The following CHEK1 variants were observed in gnomAD, a reference collection of about 807,000 sequenced individuals.
CHEK1 encodes checkpoint kinase 1.
In CHEK1, 32 loss-of-function variants were observed where a neutral mutation model predicts 60.2. That is an observed-to-expected ratio of 0.53 (90% CI 0.40 to 0.71). The LOEUF (loss-of-function observed/expected upper bound fraction) is 0.71. Ranked by LOEUF, CHEK1 falls within the 30% of genes least tolerant of loss-of-function variation. The pLI is 0.00. For synonymous variants in CHEK1, 179 were observed against 187.2 expected (o/e 0.96, Z 0.36); for missense variants, 399 against 564.6 (o/e 0.71, Z 2.97).
chr11:125,645,180 AC>A (rs1941454567), intron 11 of CHEK1, among the ~76,000 whole-genome samples: 1 of 152,122 alleles, frequency 6.6e-6, no homozygotes, highest in Non-Finnish European at 1.5e-5. Context: ...TTCTTAAAAG[AC>A]CTTTTTATTG....
At chr11:125,678,428 A>C, downstream of CHEK1, 1 of 1,076,306 alleles carries the variant, frequency 9.3e-7, no homozygotes, top group South Asian at 1.6e-5. Context: ...GCACCTGAAG[A>C]CTGCAGATGT....
chr11:125,660,327 A>G (rs756449065), downstream of CHEK1, among the ~76,000 whole-genome samples: 41 of 152,298 alleles, frequency 2.7e-4, no homozygotes, highest in Admixed American at 8.5e-4. Context: ...TATACAGTGA[A>G]TTACTAGAGA....
intron 6 of CHEK1, among the ~76,000 whole-genome samples, 180 bp downstream of exon 6, chr11:125,633,531 T>A (rs1486695159): frequency 6.6e-6 from 1 of 152,126 alleles, no homozygotes; most frequent in Non-Finnish European, 1.5e-5. Context: ...CACTGCAGCC[T>A]CAAACTTCTA....
At chr11:125,675,818 C>G (rs1402437264) in intron 13 of CHEK1, 1 of 153,260 alleles carries the variant, frequency 6.5e-6, no homozygotes, top group Non-Finnish European at 1.5e-5. Context: ...CAGCTAGTCT[C>G]TCTGCCTTCT....
At position 125,669,165 on chromosome 11, in the gene CHEK1, AG is replaced by A; in HGVS notation, c.*28-6760del. The stretch of plus-strand genomic sequence containing the variant: ...AACTGTTCATTTCTCCCTGTAGGTC[AG>A]GGTTTCCACGTGGTATTGTTTCTCT... On this transcript the variant is annotated intron_variant, in intron 13 of 13. Coordinates refer to the CHEK1 transcript ENST00000428830. Among the ~76,000 whole-genome samples, 5 of 152,266 alleles carry A rather than the reference AG, an allele frequency of 3.3e-5. No homozygotes were observed. In the South Asian group the frequency reaches 1.0e-3, roughly 32 times the overall value.
intron 6 of CHEK1, among the ~76,000 whole-genome samples, chr11:125,634,468 G>A (rs946406393): frequency 4.0e-5 from 6 of 151,844 alleles, no homozygotes; most frequent in African/African-American, 1.4e-4. Context: ...GTCTACAGGC[G>A]TGCACCACCA....
At chr11:125,650,325 C>T (rs1941667269) in intron 11 of CHEK1, among the ~76,000 whole-genome samples, 1 of 151,958 alleles carries the variant, frequency 6.6e-6, no homozygotes, top group Non-Finnish European at 1.5e-5. Context: ...TGTTTCCTTA[C>T]ATGCTTTGTA....
At chr11:125,646,216 T>C (rs1351928803) in intron 11 of CHEK1, among the ~76,000 whole-genome samples, 1 of 152,186 alleles carries the variant, frequency 6.6e-6, no homozygotes, top group African/African-American at 2.4e-5. Context: ...GGACATTTTA[T>C]ATAAATGGAA....
chr11:125,673,212 CTTTTTTT>C (rs11434532), intron 13 of CHEK1, among the ~76,000 whole-genome samples: 7 of 126,840 alleles, frequency 5.5e-5, no homozygotes, highest in Admixed American at 5.2e-4. Context: ...CTTTTCTTTT[CTTTTTTT>C]TTTTTGAGAC....
intron 8 of CHEK1, among the ~76,000 whole-genome samples, chr11:125,642,208 C>A (rs1941335694): frequency 6.6e-6 from 1 of 152,108 alleles, no homozygotes; most frequent in Non-Finnish European, 1.5e-5. Context: ...CTTTCCTGGC[C>A]ATGCTATTTA....
At chr11:125,631,475 A>G (rs144997121) in intron 5 of CHEK1, among the ~76,000 whole-genome samples, 2 of 152,300 alleles carry the variant, frequency 1.3e-5, no homozygotes, top group African/African-American at 4.8e-5. Flanking sequence ...TCCAAGGAAT[A>G]CTATAGTTAT....
In CHEK1 at chr11:125,625,638, G is replaced by T; in HGVS notation, c.-395G>T. 1.7e-6 allele frequency: 1 copy of T among 595,666 alleles called. No homozygotes were observed. Among genetic ancestry groups the T allele is most frequent in the Admixed American group, 2.9e-5 (1 of 34,092 alleles). The allele number at this position is 595,666 out of a possible 1,614,324, so 36.9% of individuals were successfully genotyped here. A position where few individuals can be genotyped will look rare whatever the true frequency, so the allele number is the denominator to read the frequency against. ...GCAGCCCCGCCTGGAAGCGCAGCGC[G>T]GTCGGTCGCGCGCCCCTGAGGCTTG... On this transcript the variant is annotated 5_prime_UTR_variant, in exon 1 of 13. Coordinates refer to ENST00000438015, the MANE Select transcript of CHEK1 (RefSeq NM_001114122.3).
rs1388896449 is a variant in CHEK1, at chr11:125,656,027, T to C, written c.*707T>C. On this transcript the variant is annotated 3_prime_UTR_variant, in exon 13 of 13. Coordinates refer to ENST00000438015, the MANE Select transcript of CHEK1 (RefSeq NM_001114122.3). ...TCTATATTTTCTACTTTCATAGCCATATTTTAACCTTTTCAACTTACTGGT... is the reference window on the plus strand; with the variant it reads ...TCTATATTTTCTACTTTCATAGCCACATTTTAACCTTTTCAACTTACTGGT... 1 of 210,702 alleles carries C rather than the reference T, an allele frequency of 4.7e-6. No individual in the cohort carries two copies. The highest frequency in any genetic ancestry group is 9.6e-6 in the Non-Finnish European group (1 of 104,078). 13.1% of individuals were successfully genotyped at this position (210,702 alleles called of 1,614,324 possible). A position where few individuals can be genotyped will look rare whatever the true frequency, so the allele number is the denominator to read the frequency against.
downstream of CHEK1, chr11:125,677,676 C>T (rs1942575939): frequency 3.0e-6 from 4 of 1,318,704 alleles, no homozygotes; most frequent in Non-Finnish European, 4.2e-6. Context: ...TTTGAGAGAG[C>T]TGTTTGTGAA....
intron 8 of CHEK1, among the ~76,000 whole-genome samples, chr11:125,641,981 T>A (rs1299676579): frequency 6.6e-6 from 1 of 152,224 alleles, no homozygotes; most frequent in Non-Finnish European, 1.5e-5. Context: ...TTTTGTTCCT[T>A]ACATTACCTC....
At chr11:125,631,046 C>G (rs1481260205) in intron 5 of CHEK1, among the ~76,000 whole-genome samples, 1 of 151,862 alleles carries the variant, frequency 6.6e-6, no homozygotes, top group Non-Finnish European at 1.5e-5. Context: ...TATGTAAAAC[C>G]TAGTATATTG....
At chr11:125,643,990 T>C in intron 9 of CHEK1, 90 bp downstream of exon 9, 1 of 1,527,020 alleles carries the variant, frequency 6.5e-7, no homozygotes, top group East Asian at 2.3e-5. Flanking sequence ...TAATCGACAT[T>C]AACATAATAC....
At chr11:125,627,324 T>A (rs966342382) in intron 2 of CHEK1, among the ~76,000 whole-genome samples, 2 of 152,218 alleles carry the variant, frequency 1.3e-5, no homozygotes, top group Non-Finnish European at 2.9e-5. Flanking sequence ...GAGTAGAACA[T>A]GTATATATGT....
intron 13 of CHEK1, among the ~76,000 whole-genome samples, chr11:125,673,198 C>CTTTCT (rs140314927): frequency 7.5e-6 from 1 of 133,268 alleles, no homozygotes; most frequent in African/African-American, 2.7e-5. Context: ...GGACTACACC[C>CTTTCT]TTTCTTTTCT....
Sources: allele counts gnomAD v4.1 joint callset (sites outside exome capture counted in the v4.1 genomes callset), GRCh38; gene constraint gnomAD v4.1.1; transcripts MANE v1.5; gene names NCBI Gene and HGNC (gene_info 2026-07-23, HGNC 2026-07-21).